The following GRIN2D variants were observed in gnomAD, a reference collection of about 807,000 sequenced individuals.
GRIN2D encodes the protein glutamate receptor ionotropic, NMDA 2D.
In GRIN2D, 37 loss-of-function variants were observed where a neutral mutation model predicts 103.2. That is an observed-to-expected ratio of 0.36 (90% CI 0.28 to 0.47). The LOEUF is 0.47. Ranked by LOEUF, GRIN2D falls within the 20% of genes least tolerant of loss-of-function variation. The pLI is 1.00. For missense variants in GRIN2D, 1,557 were observed against 1,910.6 expected (o/e 0.81, Z 3.45); for synonymous variants, 845 against 885.6 (o/e 0.95, Z 0.81).
chr19:48,409,229 C>A (rs114531828), intron 4 of GRIN2D, among the ~76,000 whole-genome samples: 1,985 of 151,762 alleles, frequency 0.013, 50 homozygotes, highest in African/African-American at 0.045. Context: ...AAGTTTCCAC[C>A]TCCTAATTCC....
chr19:48,436,408 A>C (rs993211436), intron 11 of GRIN2D, among the ~76,000 whole-genome samples: 2 of 152,080 alleles, frequency 1.3e-5, no homozygotes, highest in African/African-American at 2.4e-5. Flanking sequence ...GGTCTGTAGA[A>C]TATCTCAAGC....
Position 48,414,155 on chromosome 19 carries a change from C to A in GRIN2D, c.1200+50C>A. 1 of 1,156,216 alleles carries A rather than the reference C, an allele frequency of 8.6e-7. No individual in the cohort carries two copies. Among genetic ancestry groups the A allele is most frequent in the Non-Finnish European group, 1.3e-6 (1 of 768,582 alleles). 71.6% of individuals were successfully genotyped at this position (1,156,216 alleles called of 1,614,324 possible). A position where few individuals can be genotyped will look rare whatever the true frequency, so the allele number is the denominator to read the frequency against. Reference sequence around the variant, plus strand: ...GCATGGCAGAGGGTGTGGACTCCTGCATCCTGGCAGAGGGGGGGCTTGAGG... The same window carrying A: ...GCATGGCAGAGGGTGTGGACTCCTGAATCCTGGCAGAGGGGGGGCTTGAGG... On this transcript the variant is annotated intron_variant, in intron 5 of 13. Coordinates refer to ENST00000263269, the MANE Select transcript of GRIN2D (RefSeq NM_000836.4). The surrounding 1 kb of genome is among the most constrained non-coding windows in gnomAD (Gnocchi z 4.6).
intron 4 of GRIN2D, among the ~76,000 whole-genome samples, chr19:48,407,946 G>C (rs1214062079): frequency 2.0e-5 from 3 of 152,128 alleles, no homozygotes; most frequent in Non-Finnish European, 4.4e-5. Context: ...TCAGCATTTC[G>C]GGAGGCTGAG....
In GRIN2D at chr19:48,414,349, T is replaced by C. The variant is rs1196315064; in HGVS notation, c.1201-24T>C. On this transcript the variant is annotated intron_variant, in intron 5 of 13. Transcript: ENST00000263269. The surrounding 1 kb of genome is among the most constrained non-coding windows in gnomAD (Gnocchi z 4.6). ...CACCGGGAAGTCTTCCCAGGAAGCC[T>C]GACTCTCTTTCCCTTTGGCCAAGGT... The C allele has an allele frequency of 1.3e-6, 2 of 1,574,384 alleles. No homozygotes were observed. The highest frequency in any genetic ancestry group is 2.3e-5 in the East Asian group (1 of 43,682).
chr19:48,428,851 A>G (rs184536216), intron 11 of GRIN2D, among the ~76,000 whole-genome samples: 587 of 152,284 alleles, frequency 3.9e-3, no homozygotes, highest in Non-Finnish European at 6.4e-3. Context: ...GACCTCATAA[A>G]AAATCTTAGG....
chr19:48,415,197 C>T (rs958901954), intron 7 of GRIN2D, among the ~76,000 whole-genome samples, 165 bp downstream of exon 7: 3 of 151,948 alleles, frequency 2.0e-5, no homozygotes, highest in African/African-American at 7.3e-5. Context: ...ACGGTGAAAC[C>T]CCGTCTCTAC....
chr19:48,396,708 A>G (rs1360881258), intron 2 of GRIN2D, among the ~76,000 whole-genome samples: 3 of 151,710 alleles, frequency 2.0e-5, no homozygotes, highest in Non-Finnish European at 4.4e-5. Flanking sequence ...ATCTCTGGGA[A>G]GGTGAGGTGG....
In GRIN2D at chr19:48,442,907, C is replaced by G. The variant is rs1466864340; in HGVS notation, c.2981C>G (p.Pro994Arg). Residue 994 changes from proline to arginine, a missense_variant, in exon 14 of 14, where the codon CCG becomes CGG. Pro to Arg is a moderately radical substitution (Grantham distance 103, BLOSUM62 -2). Transcript: ENST00000263269. The surrounding 1 kb of genome is among the most constrained non-coding windows in gnomAD (Gnocchi z 7.2). ...PRGAAGRPLS[P>R]PAAQPPQKPP... Reference sequence around the variant, plus strand: ...GGCGCAGCCGGGCGCCCGCTGTCCCCGCCGGCCGCTCAGCCCCCGCAGAAG... The same window carrying G: ...GGCGCAGCCGGGCGCCCGCTGTCCCGGCCGGCCGCTCAGCCCCCGCAGAAG... 2 of 1,104,816 alleles carry G rather than the reference C, an allele frequency of 1.8e-6. No homozygotes were observed. 68.4% of individuals were successfully genotyped at this position (1,104,816 alleles called of 1,614,324 possible). A position where few individuals can be genotyped will look rare whatever the true frequency, so the allele number is the denominator to read the frequency against.
At position 48,404,723 on chromosome 19, in the gene GRIN2D, C is replaced by T; in HGVS notation, c.466-11C>T. ...ATCGGCAGGCCTGACATCCTCCTCC[C>T]TCCCTGGCAGGAGAAGGGCTCCACC... On this transcript the variant is annotated splice_polypyrimidine_tract_variant and intron_variant, in intron 3 of 13. Transcript: ENST00000263269. 1.9e-6 allele frequency: 3 copies of T among 1,581,982 alleles called. No homozygotes were observed. Among genetic ancestry groups the T allele is most frequent in the Non-Finnish European group, 2.6e-6 (3 of 1,162,412 alleles).
intron 3 of GRIN2D, among the ~76,000 whole-genome samples, chr19:48,400,103 C>T (rs888472915): frequency 1.3e-5 from 2 of 152,172 alleles, no homozygotes; most frequent in Non-Finnish European, 2.9e-5. Flanking sequence ...ATGGTAGAGG[C>T]TGGAGCTGGC....
chr19:48,406,381 C>T (rs1380635621), intron 4 of GRIN2D, among the ~76,000 whole-genome samples: 3 of 152,164 alleles, frequency 2.0e-5, no homozygotes, highest in African/African-American at 7.2e-5. Flanking sequence ...AATAGCATCT[C>T]CACGGTAGGA....
At position 48,442,891 on chromosome 19, in the gene GRIN2D, G is replaced by A. The variant is rs1971318199; in HGVS notation, c.2965G>A (p.Gly989Arg). ...EARAAPRGAAGRPLSPPAAQP... is the reference protein window; with the variant it reads ...EARAAPRGAARRPLSPPAAQP... ...GCGCGCGGCACCGCGGGGCGCAGCC[G>A]GGCGCCCGCTGTCCCCGCCGGCCGC... Residue 989 changes from glycine (G) to arginine (R), a missense_variant, in exon 14 of 14, where the codon GGG becomes AGG. Physicochemically the swap from Gly to Arg is moderately radical, Grantham distance 125. Transcript: ENST00000263269. This position sits in a 1 kb window ranked among gnomAD's most constrained non-coding sequence, Gnocchi z 7.2. The A allele has an allele frequency of 1.8e-6, 2 of 1,090,112 alleles. No individual in the cohort carries two copies. The highest frequency in any genetic ancestry group is 3.8e-5 in the South Asian group (1 of 26,550). The allele number at this position is 1,090,112 out of a possible 1,614,324, so 67.5% of individuals were successfully genotyped here.
In GRIN2D at chr19:48,405,101, A is replaced by C. The variant is rs1970771012; in HGVS notation, c.833A>C (p.Gln278Pro). Residue 278 changes from glutamine to proline, a missense_variant, in exon 4 of 14, where the codon CAG (glutamine) becomes CCG (proline). Around this residue, in one of 7 missense-constraint regions of GRIN2D, gnomAD observed 490 missense variants for 601.1 expected, o/e 0.82. Coordinates refer to ENST00000263269, the MANE Select transcript of GRIN2D (RefSeq NM_000836.4). This position sits in a 1 kb window ranked among gnomAD's most constrained non-coding sequence, Gnocchi z 5.1. ...TACGTCTGGTTCATGGTGGGGCCCC[A>C]GCTGGCTGGAGGCGGGGGCTCTGGG... ...SGYVWFMVGP[Q>P]LAGGGGSGAP... The C allele has an allele frequency of 6.3e-7, 1 of 1,594,408 alleles. No homozygotes were observed. The highest frequency in any genetic ancestry group is 2.3e-5 in the East Asian group (1 of 44,218).
chr19:48,443,186 G>A lies in GRIN2D; in HGVS notation c.3260G>A (p.Gly1087Glu). ...GCGGGGGGCACGGGGGGCGCAGGCGGAGGAGCCCCGGCCGCTCCGCCCCCG... is the reference window on the plus strand; with the variant it reads ...GCGGGGGGCACGGGGGGCGCAGGCGAAGGAGCCCCGGCCGCTCCGCCCCCG... Reference protein sequence around the residue: ...GGAGGTGGAGGGAPAAPPPCR... With the variant: ...GGAGGTGGAGEGAPAAPPPCR... The change falls in exon 14 of 14, where the codon GGA (glycine) becomes GAA (glutamate). Residue 1087 changes from glycine to glutamate, a missense_variant. Around this residue, in one of 7 missense-constraint regions of GRIN2D, gnomAD observed 632 missense variants for 572.8 expected, o/e 1.10. Transcript: ENST00000263269. The surrounding 1 kb of genome is among the most constrained non-coding windows in gnomAD (Gnocchi z 8.9). 8.9e-7 allele frequency: 1 copy of A among 1,119,790 alleles called. No homozygotes were observed. The highest frequency in any genetic ancestry group is 1.7e-5 in the African/African-American group (1 of 59,960). 69.4% of individuals were successfully genotyped at this position (1,119,790 alleles called of 1,614,324 possible).
chr19:48,440,137 G>A (rs1971274331), intron 11 of GRIN2D, among the ~76,000 whole-genome samples: 2 of 151,994 alleles, frequency 1.3e-5, no homozygotes, highest in Admixed American at 6.5e-5. Context: ...CTTGAACCTG[G>A]GAGGTGGAGG....
At chr19:48,417,708 C>T (rs1970964043) in intron 8 of GRIN2D, among the ~76,000 whole-genome samples, 1 of 152,144 alleles carries the variant, frequency 6.6e-6, no homozygotes, top group Non-Finnish European at 1.5e-5. Context: ...CCTATTTATG[C>T]CCCACCAAGT....
intron 4 of GRIN2D, among the ~76,000 whole-genome samples, chr19:48,410,184 C>T (rs958663327): frequency 6.6e-6 from 1 of 150,928 alleles, no homozygotes; most frequent in Non-Finnish European, 1.5e-5. Flanking sequence ...GAAACTTGGG[C>T]AGATGGTGGG....
intron 11 of GRIN2D, among the ~76,000 whole-genome samples, chr19:48,437,879 T>C (rs1042934158): frequency 1.3e-5 from 2 of 152,234 alleles, no homozygotes; most frequent in Non-Finnish European, 2.9e-5. Context: ...AGATGTCATA[T>C]GGGAACTCCC....
Position 48,398,402 on chromosome 19 carries a change from G to C in GRIN2D, c.10G>C (p.Ala4Pro). 3.6e-6 allele frequency: 4 copies of C among 1,120,430 alleles called. No homozygotes were observed. The highest frequency in any genetic ancestry group is 4.4e-6 in the Non-Finnish European group (4 of 917,490). 69.4% of individuals were successfully genotyped at this position (1,120,430 alleles called of 1,614,324 possible). A position where few individuals can be genotyped will look rare whatever the true frequency, so the allele number is the denominator to read the frequency against. MRGAGGPRGPRGPA... is the reference protein window; with the variant it reads MRGPGGPRGPRGPA... ...GCGGGGCCCGCAGGCGATGCGCGGC[G>C]CCGGTGGCCCCCGCGGCCCTCGGGG... The change falls in exon 3 of 14, where the codon GCC (alanine) becomes CCC (proline). Residue 4 changes from alanine to proline, a missense_variant. Transcript: ENST00000263269.
Sources: allele counts gnomAD v4.1 joint callset (sites outside exome capture counted in the v4.1 genomes callset), GRCh38; gene constraint gnomAD v4.1.1; regional missense constraint gnomAD v4.1.1; non-coding constraint Gnocchi (gnomAD v3.1); transcripts MANE v1.5; gene names NCBI Gene and HGNC (gene_info 2026-07-23, HGNC 2026-07-21).